The following GAS2 variants were observed in gnomAD, a reference collection of about 807,000 sequenced individuals.
GAS2 encodes growth arrest specific 2.
A neutral mutation model predicts 37.5 loss-of-function variants in GAS2; 20 were observed. The observed-to-expected ratio is 0.53, with a 90% confidence interval of 0.37 to 0.77. The LOEUF is 0.77. GAS2 is among the 30% of genes least tolerant of loss of function. The pLI is 0.00. For missense variants in GAS2, 336 were observed against 373.4 expected, an observed-to-expected ratio of 0.90 and a Z score of 0.82; for synonymous variants, 144 against 132.2, an observed-to-expected ratio of 1.09 and a Z score of -0.61.
intron 3 of GAS2, among the ~76,000 whole-genome samples, chr11:22,698,743 A>C (rs1459199787): frequency 6.6e-6 from 1 of 152,200 alleles, no homozygotes; most frequent in African/African-American, 2.4e-5. Flanking sequence ...GTAATCCAGC[A>C]TATAAACAGA....
At chr11:22,700,604 T>C (rs1356093581) in intron 3 of GAS2, among the ~76,000 whole-genome samples, 1 of 152,184 alleles carries the variant, frequency 6.6e-6, no homozygotes, top group Non-Finnish European at 1.5e-5. Flanking sequence ...ATTTAGTTAA[T>C]TGTAAATGTT....
At chr11:22,746,358 G>T (rs1590083199) in intron 5 of GAS2, among the ~76,000 whole-genome samples, 1 of 152,064 alleles carries the variant, frequency 6.6e-6, no homozygotes, top group Non-Finnish European at 1.5e-5. Flanking sequence ...CGCGTTACTA[G>T]GTATATACCC....
chr11:22,692,584 T>A (rs890109334), intron 3 of GAS2, among the ~76,000 whole-genome samples: 1 of 152,220 alleles, frequency 6.6e-6, no homozygotes. Flanking sequence ...CGCATTCTTT[T>A]GAGTTTCTGA....
At chr11:22,757,183 T>C (rs555890624) in intron 7 of GAS2, among the ~76,000 whole-genome samples, 7 of 152,242 alleles carry the variant, frequency 4.6e-5, no homozygotes, top group African/African-American at 1.7e-4. Flanking sequence ...TGTAACCTAA[T>C]ATCTTCAGTC....
chr11:22,691,310 C>G (rs1850237391), intron 3 of GAS2, among the ~76,000 whole-genome samples: 1 of 152,156 alleles, frequency 6.6e-6, no homozygotes, highest in Admixed American at 6.6e-5. Flanking sequence ...AACAATACCT[C>G]AGGATGTTGT....
chr11:22,748,133 A>C (rs1384421593), intron 5 of GAS2, among the ~76,000 whole-genome samples: 1 of 152,144 alleles, frequency 6.6e-6, no homozygotes, highest in Non-Finnish European at 1.5e-5. Context: ...TAAAAAAAAC[A>C]TGTTTTTAAA....
chr11:22,683,448 T>G (rs1039561280), intron 2 of GAS2, among the ~76,000 whole-genome samples: 3 of 152,106 alleles, frequency 2.0e-5, no homozygotes, highest in African/African-American at 7.2e-5. Flanking sequence ...GTATTTTTAG[T>G]AGAGGCAGGG....
intron 3 of GAS2, among the ~76,000 whole-genome samples, chr11:22,717,776 A>AG (rs529509095): frequency 3.3e-3 from 16 of 4,900 alleles, no homozygotes; most frequent in Middle Eastern, 0.17. Context: ...AATCAGCAAG[A>AG]AAAAAAAAGA....
chr11:22,782,763 G>GT (rs1855619514), intron 7 of GAS2, among the ~76,000 whole-genome samples: 1 of 111,330 alleles, frequency 9.0e-6, no homozygotes, highest in Non-Finnish European at 1.9e-5. Context: ...ATGTGATTTT[G>GT]TTCTTTTTTT....
chr11:22,708,521 T>C (rs1354489013), intron 3 of GAS2, among the ~76,000 whole-genome samples: 1 of 152,148 alleles, frequency 6.6e-6, no homozygotes, highest in African/African-American at 2.4e-5. Flanking sequence ...ATATGCCTCA[T>C]GTCAACACAA....
intron 1 of GAS2, among the ~76,000 whole-genome samples, chr11:22,652,541 G>A (rs1423986296): frequency 6.6e-6 from 1 of 152,202 alleles, no homozygotes; most frequent in Non-Finnish European, 1.5e-5. Context: ...CTTGCAGTTT[G>A]ATCTCAGACT....
chr11:22,713,134 A>G (rs1851494392), intron 3 of GAS2, among the ~76,000 whole-genome samples: 1 of 151,670 alleles, frequency 6.6e-6, no homozygotes, highest in Admixed American at 6.6e-5. Context: ...ATACAGATGA[A>G]AAAGTCTCCA....
At chr11:22,672,133 A>G (rs1849230724) in intron 1 of GAS2, among the ~76,000 whole-genome samples, 1 of 152,122 alleles carries the variant, frequency 6.6e-6, no homozygotes, top group East Asian at 1.9e-4. Flanking sequence ...TTGCATGTTA[A>G]TTACTCACTA....
Position 22,749,272 on chromosome 11 carries a change from T to C in GAS2, c.615+11T>C, listed in dbSNP as rs777579058. 1.2e-6 allele frequency: 2 copies of C among 1,608,100 alleles called. No individual in the cohort carries two copies. Among genetic ancestry groups the C allele is most frequent in the East Asian group, 4.5e-5 (2 of 44,752 alleles). The stretch of plus-strand genomic sequence containing the variant: ...TTACTGGATGATGCAGTAAGTAAAA[T>C]CAGTCAGACTTCTTACCAACGGTTA... On this transcript the variant is annotated intron_variant, in intron 6 of 7. Transcript: ENST00000454584.
At chr11:22,685,864 TA>T (rs771278599) in intron 3 of GAS2, 75 bp downstream of exon 3, 532 of 1,448,868 alleles carry the variant, frequency 3.7e-4, no homozygotes, top group Non-Finnish European at 4.7e-4. Context: ...TGTGTGTAAT[TA>T]AAAAATTTAT....
chr11:22,686,553 TAAAAAAAAAAAAAAAAAAAAAAAAAA>T (rs576718774), intron 3 of GAS2, among the ~76,000 whole-genome samples: 4 of 47,248 alleles, frequency 8.5e-5, no homozygotes, highest in Non-Finnish European at 1.5e-4. Context: ...CCGTCTCTAC[TAAAAAAAAAAAAAAAAAAAAAAAAAA>T]AAAAAAAAAA....
intron 1 of GAS2, among the ~76,000 whole-genome samples, chr11:22,669,193 A>G (rs965247564): frequency 6.6e-6 from 1 of 152,202 alleles, no homozygotes; most frequent in African/African-American, 2.4e-5. Flanking sequence ...AACAGAAAAG[A>G]ATTTTCTCAA....
chr11:22,627,774 C>CAA (rs111643774), intron 1 of GAS2, among the ~76,000 whole-genome samples: 8 of 74,514 alleles, frequency 1.1e-4, no homozygotes, highest in Non-Finnish European at 2.0e-4. Flanking sequence ...GACTCCATCT[C>CAA]AAAAAAAAAA....
chr11:22,753,147 C>A (rs1853839057), intron 6 of GAS2, among the ~76,000 whole-genome samples: 1 of 152,024 alleles, frequency 6.6e-6, no homozygotes, highest in Non-Finnish European at 1.5e-5. Context: ...TCTTGAAATC[C>A]CATTTCAGCA....
Sources: allele counts gnomAD v4.1 joint callset (sites outside exome capture counted in the v4.1 genomes callset), GRCh38; gene constraint gnomAD v4.1.1; transcripts MANE v1.5; gene names NCBI Gene and HGNC (gene_info 2026-07-23, HGNC 2026-07-21).